Variants in RELCH observed in about 807,000 individuals in gnomAD.
RELCH encodes RAB11 binding and LisH domain, coiled-coil and HEAT repeat containing, also known as RAB11-binding protein RELCH.
A neutral mutation model predicts 150.3 loss-of-function variants in RELCH; 41 were observed. That is an observed-to-expected ratio of 0.27 (90% CI 0.21 to 0.35). The LOEUF (loss-of-function observed/expected upper bound fraction) is 0.35. Among genes scored for constraint, RELCH ranks in the 10% least tolerant of loss-of-function variants. The pLI is 1.00. For missense variants in RELCH, 1,092 were observed against 1,467.8 expected, an observed-to-expected ratio of 0.74 and a Z score of 4.18; for synonymous variants, 478 against 531.8, an observed-to-expected ratio of 0.90 and a Z score of 1.39.
At chr18:62,202,061 G>T (rs2039488913) in intron 1 of RELCH, among the ~76,000 whole-genome samples, 1 of 152,132 alleles carries the variant, frequency 6.6e-6, no homozygotes, top group South Asian at 2.1e-4. Flanking sequence ...TTATGAACAG[G>T]TTTTACCAGT....
chr18:62,232,570 C>T, intron 10 of RELCH, 143 bp downstream of exon 10: 1 of 597,846 alleles, frequency 1.7e-6, no homozygotes, highest in Non-Finnish European at 3.0e-6. Flanking sequence ...TGCATCTCTG[C>T]TCCTAGAGAA....
intron 11 of RELCH, among the ~76,000 whole-genome samples, chr18:62,249,612 A>G (rs2042594087): frequency 6.6e-6 from 1 of 152,070 alleles, no homozygotes; most frequent in Admixed American, 6.6e-5. Flanking sequence ...TAGATTTTCA[A>G]GGCAAAAACC....
intron 20 of RELCH, chr18:62,269,431 A>T (rs780576478): frequency 6.0e-5 from 26 of 432,872 alleles, no homozygotes; most frequent in African/African-American, 5.3e-4. Context: ...ATTTGCATAT[A>T]CATAATGAGA....
intron 11 of RELCH, among the ~76,000 whole-genome samples, chr18:62,245,171 A>C (rs1036004142): frequency 2.0e-5 from 3 of 152,224 alleles, no homozygotes; most frequent in African/African-American, 7.2e-5. Context: ...AAATCACTCT[A>C]AGAAATTTAC....
At chr18:62,195,283 T>TGTGTGTGG (rs1555710839) in intron 1 of RELCH, among the ~76,000 whole-genome samples, 1 of 144,186 alleles carries the variant, frequency 6.9e-6, no homozygotes, top group Non-Finnish European at 1.5e-5. Flanking sequence ...ACACACTCTG[T>TGTGTGTGG]GTGTGTGTGT....
chr18:62,232,789 A>G (rs910870316), intron 10 of RELCH, among the ~76,000 whole-genome samples: 12 of 152,052 alleles, frequency 7.9e-5, no homozygotes, highest in Admixed American at 2.0e-4. Context: ...ACAGAAATGG[A>G]CACTCTTTGT....
intron 22 of RELCH, among the ~76,000 whole-genome samples, chr18:62,277,360 T>G (rs888665140): frequency 2.0e-5 from 3 of 152,160 alleles, no homozygotes; most frequent in Admixed American, 6.6e-5. Flanking sequence ...TCAAATTCAT[T>G]AATGATACAT....
intron 20 of RELCH, among the ~76,000 whole-genome samples, chr18:62,273,036 CA>C (rs200662662): frequency 0.032 from 4,398 of 137,162 alleles, 158 homozygotes; most frequent in East Asian, 0.19. Context: ...GATTATGTAG[CA>C]AAAAAAAAAA....
intron 20 of RELCH, among the ~76,000 whole-genome samples, chr18:62,270,240 A>T (rs999605288): frequency 1.3e-5 from 2 of 152,190 alleles, no homozygotes; most frequent in Non-Finnish European, 2.9e-5. Flanking sequence ...TTAGGCCTGG[A>T]ATTAGCACAA....
intron 9 of RELCH, 66 bp from the exon 10 acceptor site, chr18:62,232,266 C>T (rs1231413150): frequency 9.5e-6 from 10 of 1,056,098 alleles, no homozygotes; most frequent in African/African-American, 7.9e-5. Flanking sequence ...AAAGAATGAA[C>T]TTTTCCATAT....
Position 62,273,327 on chromosome 18 carries a change from T to G in RELCH, c.2761-653T>G, listed in dbSNP as rs547541673. On this transcript the variant is annotated intron_variant, in intron 20 of 28. Coordinates refer to ENST00000644646, the MANE Select transcript of RELCH (RefSeq NM_001346231.2). ...AAGTTTGAAAAACACAGATTATTTT[T>G]TAATCAAGGTGTGCATCTGTTTCTT... 5.5e-4 allele frequency among the ~76,000 whole-genome samples: 84 copies of G among 152,240 alleles called. 1 individual carries two copies. Among genetic ancestry groups the G allele is most frequent in the African/African-American group, 1.9e-3 (80 of 41,564 alleles).
chr18:62,190,951 A>G (rs2038588273), intron 1 of RELCH, among the ~76,000 whole-genome samples: 1 of 152,262 alleles, frequency 6.6e-6, no homozygotes, highest in Non-Finnish European at 1.5e-5. Context: ...TGCCTGTTCT[A>G]AAATTCGATA....
chr18:62,302,427 A>G (rs988393928), intron 28 of RELCH, among the ~76,000 whole-genome samples: 13 of 152,206 alleles, frequency 8.5e-5, no homozygotes, highest in Non-Finnish European at 1.5e-4. Flanking sequence ...GGAATTAGAC[A>G]CCAACATTTC....
rs189552542 is a variant in RELCH at position 62,236,015 on chromosome 18, A to G, written c.1620+3588A>G. Among the ~76,000 whole-genome samples, 31 of 152,114 alleles carry G rather than the reference A, an allele frequency of 2.0e-4. No individual in the cohort carries two copies. The East Asian group carries it at 5.8e-3, about 28-fold the overall frequency. On this transcript the variant is annotated intron_variant, in intron 10 of 28. Coordinates refer to ENST00000644646, the MANE Select transcript of RELCH (RefSeq NM_001346231.2). Reference sequence around the variant, plus strand: ...TGGATGGTAATGTTTTGAGAAAGCAATATCCTTGCCTTGTTTCTGATCTTA... The same window carrying G: ...TGGATGGTAATGTTTTGAGAAAGCAGTATCCTTGCCTTGTTTCTGATCTTA...
intron 8 of RELCH, among the ~76,000 whole-genome samples, chr18:62,230,089 T>C (rs1315204274): frequency 6.6e-6 from 1 of 151,894 alleles, no homozygotes; most frequent in African/African-American, 2.4e-5. Flanking sequence ...TATTCAGACA[T>C]TGGTAATGGG....
chr18:62,243,466 T>G (rs778001215), intron 10 of RELCH, among the ~76,000 whole-genome samples: 1 of 152,126 alleles, frequency 6.6e-6, no homozygotes, highest in Non-Finnish European at 1.5e-5. Flanking sequence ...CCTACAGAGA[T>G]GCCCAAACAG....
Position 62,222,257 on chromosome 18 carries a change from T to C in RELCH, c.858+760T>C, listed in dbSNP as rs182539599. On this transcript the variant is annotated intron_variant, in intron 5 of 28. Coordinates refer to ENST00000644646, the MANE Select transcript of RELCH (RefSeq NM_001346231.2). ...AGTTAACCCCTCAGTTATTAGAATA[T>C]ATTTGGCAAAATTAAATGCAATAAG... 1.5e-4 allele frequency among the ~76,000 whole-genome samples: 23 copies of C among 152,114 alleles called. No homozygotes were observed. In the East Asian group the frequency reaches 3.9e-3, roughly 26 times the overall value.
intron 11 of RELCH, among the ~76,000 whole-genome samples, chr18:62,248,117 C>T (rs2042515985): frequency 6.6e-6 from 1 of 152,080 alleles, no homozygotes. Context: ...AGCATTTTGG[C>T]ATTAATTACT....
At chr18:62,260,193 C>A (rs370222111) in intron 15 of RELCH, among the ~76,000 whole-genome samples, 77 of 95,764 alleles carry the variant, frequency 8.0e-4, no homozygotes, top group African/African-American at 1.1e-3. Context: ...AACTCAACAG[C>A]AAAAAAAAAA....
Sources: allele counts gnomAD v4.1 joint callset (sites outside exome capture counted in the v4.1 genomes callset), GRCh38; gene constraint gnomAD v4.1.1; transcripts MANE v1.5; gene names NCBI Gene and HGNC (gene_info 2026-07-23, HGNC 2026-07-21).